The following GRID1 variants were observed in gnomAD, a reference collection of about 807,000 sequenced individuals.
GRID1 encodes the protein glutamate ionotropic receptor delta type subunit 1.
GRID1 carries 28 observed loss-of-function variants against 98.0 expected under a neutral mutation model. That is an observed-to-expected ratio of 0.29 (90% CI 0.21 to 0.39). GRID1 has a LOEUF of 0.39. Among genes scored for constraint, GRID1 ranks in the 10% least tolerant of loss-of-function variants. The pLI, the probability that GRID1 is intolerant of heterozygous loss-of-function variation, is 1.00. For synonymous variants in GRID1, 553 were observed against 538.5 expected, an observed-to-expected ratio of 1.03 and a Z score of -0.37; for missense variants, 1,111 against 1,340.5, an observed-to-expected ratio of 0.83 and a Z score of 2.67.
At chr10:85,718,456 C>T (rs1219166865) in intron 12 of GRID1, among the ~76,000 whole-genome samples, 1 of 152,006 alleles carries the variant, frequency 6.6e-6, no homozygotes, top group Non-Finnish European at 1.5e-5. Flanking sequence ...CTTGCCCCCG[C>T]AGCAAACTTC....
intron 8 of GRID1, among the ~76,000 whole-genome samples, chr10:85,815,681 T>C (rs1021751262): frequency 6.6e-6 from 1 of 151,984 alleles, no homozygotes; most frequent in Admixed American, 6.6e-5. Flanking sequence ...GGTTTACATA[T>C]GACACCAAAA....
rs536212776 is a variant in GRID1 at position 86,026,055 on chromosome 10, G to A, written c.727-109816C>T. ...ACTGGCACTGCCCTCAAGGCCCAAG[G>A]GGGTGTTGCTAACATGCACAACACA... On this transcript the variant is annotated intron_variant, in intron 4 of 15. Coordinates refer to ENST00000327946, the MANE Select transcript of GRID1 (RefSeq NM_017551.3). 1.2e-3 allele frequency among the ~76,000 whole-genome samples: 186 copies of A among 152,252 alleles called. 1 individual carries two copies. The highest frequency in any genetic ancestry group is 1.4e-3 in the Non-Finnish European group (93 of 68,026).
intron 2 of GRID1, among the ~76,000 whole-genome samples, chr10:86,324,647 C>T (rs1047321192): frequency 2.6e-5 from 4 of 151,970 alleles, no homozygotes; most frequent in African/African-American, 9.7e-5. Context: ...CAATAAAAGG[C>T]AGGAAAGGGC....
intron 3 of GRID1, among the ~76,000 whole-genome samples, chr10:86,146,462 C>T (rs576348925): frequency 2.1e-4 from 32 of 152,276 alleles, no homozygotes; most frequent in African/African-American, 7.5e-4. Flanking sequence ...TTGTTGCAAG[C>T]GGAGCAGGTA....
At chr10:86,315,727 A>G (rs1346519348) in intron 2 of GRID1, among the ~76,000 whole-genome samples, 1 of 151,430 alleles carries the variant, frequency 6.6e-6, no homozygotes, top group Non-Finnish European at 1.5e-5. Context: ...ACCCATATAC[A>G]TCTGCCTCCA....
At chr10:85,989,541 G>A (rs1028472180) in intron 4 of GRID1, among the ~76,000 whole-genome samples, 3 of 152,194 alleles carry the variant, frequency 2.0e-5, no homozygotes, top group Non-Finnish European at 4.4e-5. Flanking sequence ...AATCAGCATC[G>A]GCATTTGATT....
At chr10:86,239,110 T>A (rs1846586212) in intron 2 of GRID1, among the ~76,000 whole-genome samples, 1 of 152,208 alleles carries the variant, frequency 6.6e-6, no homozygotes, top group Non-Finnish European at 1.5e-5. Context: ...TGCAGAGCCA[T>A]AGGGACAGAG....
intron 12 of GRID1, among the ~76,000 whole-genome samples, chr10:85,666,522 G>A (rs1225033333): frequency 6.6e-6 from 1 of 152,222 alleles, no homozygotes; most frequent in Non-Finnish European, 1.5e-5. Flanking sequence ...GGGTGGAGAA[G>A]TAAGAGATTT....
intron 8 of GRID1, among the ~76,000 whole-genome samples, chr10:85,810,074 C>T (rs377662478): frequency 5.9e-5 from 9 of 152,044 alleles, no homozygotes; most frequent in Non-Finnish European, 1.0e-4. Flanking sequence ...GTGCTCTGCC[C>T]TGGGGGCCAG....
Position 86,195,650 on chromosome 10 carries a change from C to A in GRID1, c.520+10714G>T, listed in dbSNP as rs1845861685. ...GGCAGCAAACAAGCCCCCGCGGCGA[C>A]CACGCCATCAGGTGGGTAAGAGGAT... On this transcript the variant is annotated intron_variant, in intron 3 of 15. Coordinates refer to ENST00000327946, the MANE Select transcript of GRID1 (RefSeq NM_017551.3). This position sits in a 1 kb window ranked among gnomAD's most constrained non-coding sequence, Gnocchi z 4.4. Among the ~76,000 whole-genome samples, 1 of 152,166 alleles carries A rather than the reference C, an allele frequency of 6.6e-6. No individual in the cohort carries two copies.
chr10:86,260,843 C>T (rs1051434367), intron 2 of GRID1, among the ~76,000 whole-genome samples: 5 of 152,244 alleles, frequency 3.3e-5, no homozygotes, highest in African/African-American at 1.2e-4. Flanking sequence ...GGCTCCAGAG[C>T]TGATAAGACA....
intron 3 of GRID1, among the ~76,000 whole-genome samples, chr10:86,152,697 C>T (rs1468552831): frequency 1.4e-4 from 22 of 152,194 alleles, no homozygotes; most frequent in Admixed American, 1.4e-3. Context: ...CAGAGTGAGG[C>T]TGTCTAGGGG....
intron 15 of GRID1, among the ~76,000 whole-genome samples, chr10:85,610,419 C>G (rs1842719415): frequency 6.6e-6 from 1 of 152,192 alleles, no homozygotes. Flanking sequence ...AGCCCTTGAG[C>G]TCCAGGAGGT....
rs1420529750 is a variant in GRID1, at chr10:85,716,923, T to G, written c.1997+6080A>C. ...AGTCAAACTCATAGAAGCGGAGAGT[T>G]TATTGGTTGCCAGAGAATGGTGGTT... On this transcript the variant is annotated intron_variant, in intron 12 of 15. Coordinates refer to ENST00000327946, the MANE Select transcript of GRID1 (RefSeq NM_017551.3). 3.9e-5 allele frequency among the ~76,000 whole-genome samples: 6 copies of G among 151,902 alleles called. No individual in the cohort carries two copies. In the South Asian group the frequency reaches 8.3e-4, roughly 21 times the overall value.
At chr10:86,327,352 G>A (rs768166289) in intron 2 of GRID1, among the ~76,000 whole-genome samples, 10 of 152,068 alleles carry the variant, frequency 6.6e-5, no homozygotes, top group Non-Finnish European at 1.3e-4. Context: ...TCATCAGGAC[G>A]GCAGACTTTA....
intron 2 of GRID1, among the ~76,000 whole-genome samples, chr10:86,229,218 C>A (rs1234179810): frequency 1.3e-5 from 2 of 152,132 alleles, no homozygotes; most frequent in African/African-American, 4.8e-5. Context: ...GCCAGGCCAC[C>A]CCACTCTCTA....
chr10:86,031,546 C>T (rs1843185842), intron 4 of GRID1, among the ~76,000 whole-genome samples: 1 of 152,120 alleles, frequency 6.6e-6, no homozygotes, highest in Admixed American at 6.5e-5. Context: ...CACATGTACC[C>T]TTTGAATCTA....
intron 4 of GRID1, among the ~76,000 whole-genome samples, chr10:86,134,105 G>A (rs971140018): frequency 1.3e-5 from 2 of 152,202 alleles, no homozygotes; most frequent in Non-Finnish European, 1.5e-5. Context: ...AAATGCCCAT[G>A]GACACTGAGA....
At chr10:86,215,933 C>A (rs1459193794) in intron 2 of GRID1, among the ~76,000 whole-genome samples, 1 of 152,214 alleles carries the variant, frequency 6.6e-6, no homozygotes, top group Non-Finnish European at 1.5e-5. Flanking sequence ...ACAATGGCAC[C>A]AGTGTACTTG....
Sources: allele counts gnomAD v4.1 joint callset (sites outside exome capture counted in the v4.1 genomes callset), GRCh38; gene constraint gnomAD v4.1.1; non-coding constraint Gnocchi (gnomAD v3.1); transcripts MANE v1.5; gene names NCBI Gene and HGNC (gene_info 2026-07-23, HGNC 2026-07-21).